Variants in PLCG2 observed in about 807,000 individuals in gnomAD.
PLCG2 encodes 1-phosphatidylinositol 4,5-bisphosphate phosphodiesterase gamma-2.
PLCG2 carries 69 observed loss-of-function variants against 175.6 expected under a neutral mutation model. That is an observed-to-expected ratio of 0.39 (90% confidence interval 0.32 to 0.48). The LOEUF (loss-of-function observed/expected upper bound fraction) is 0.48, where lower values mean the gene tolerates loss of function less well. PLCG2 is among the 20% of genes least tolerant of loss of function. PLCG2 has a pLI of 0.91. For missense variants in PLCG2, 1,798 were observed against 1,650.9 expected (o/e 1.09, Z -1.54); for synonymous variants, 827 against 624.0 (o/e 1.33, Z -4.85).
intron 30 of PLCG2, among the ~76,000 whole-genome samples, chr16:81,941,838 T>G (rs556207724): frequency 2.2e-3 from 336 of 152,156 alleles, no homozygotes; most frequent in Non-Finnish European, 4.0e-3. Context: ...ATCTGGCTAA[T>G]TTTTGTATTT....
At chr16:81,885,561 A>G (rs1411381903) in intron 9 of PLCG2, among the ~76,000 whole-genome samples, 1 of 152,208 alleles carries the variant, frequency 6.6e-6, no homozygotes, top group African/African-American at 2.4e-5. Context: ...ATTCTAAAGC[A>G]AACCCCAGAC....
intron 2 of PLCG2, among the ~76,000 whole-genome samples, chr16:81,788,311 C>T (rs957141764): frequency 2.1e-4 from 32 of 152,156 alleles, no homozygotes; most frequent in Middle Eastern, 3.2e-3. Flanking sequence ...GACAGAGTCT[C>T]GCTCTGTTGC....
intron 7 of PLCG2, among the ~76,000 whole-genome samples, chr16:81,878,013 G>A (rs531303114): frequency 1.8e-5 from 2 of 108,180 alleles, no homozygotes; most frequent in East Asian, 3.0e-4. Context: ...AGGGAGTCTC[G>A]CTCTGTCACC....
intron 2 of PLCG2, among the ~76,000 whole-genome samples, chr16:81,842,083 C>A (rs769915690): frequency 2.0e-5 from 3 of 152,184 alleles, no homozygotes; most frequent in Non-Finnish European, 2.9e-5. Flanking sequence ...GCTTGTACAG[C>A]GGAGGAAACA....
At chr16:81,899,031 T>C (rs2143625072) in intron 13 of PLCG2, among the ~76,000 whole-genome samples, 1 of 151,834 alleles carries the variant, frequency 6.6e-6, no homozygotes, top group Middle Eastern at 3.4e-3. Context: ...TTAGTAAAAA[T>C]ACAAAAAATT....
Position 81,962,167 on chromosome 16 carries a change from T to C in PLCG2, c.*4169T>C, listed in dbSNP as rs1276687242. ...GGAACCTCCAAACAAGCTCTCAAGA[T>C]TGCTGATCTAGGGCCACTAAGTGAT... On this transcript the variant is annotated 3_prime_UTR_variant, in exon 33 of 33. Transcript: ENST00000564138. 2 of 186,618 alleles carry C rather than the reference T, an allele frequency of 1.1e-5. No homozygotes were observed. Among genetic ancestry groups the C allele is most frequent in the East Asian group, 1.7e-4 (2 of 11,464 alleles). The allele number at this position is 186,618 out of a possible 1,614,324, so 11.6% of individuals were successfully genotyped here. A position where few individuals can be genotyped will look rare whatever the true frequency, so the allele number is the denominator to read the frequency against.
At chr16:81,897,315 C>T (rs566320415) in intron 13 of PLCG2, among the ~76,000 whole-genome samples, 4 of 152,298 alleles carry the variant, frequency 2.6e-5, no homozygotes, top group East Asian at 1.9e-4. Context: ...GAGTCCTTCT[C>T]GCTGAGTTTG....
Position 81,868,077 on chromosome 16 carries a change from T to C in PLCG2, c.480-1137T>C. On this transcript the variant is annotated intron_variant, in intron 5 of 32. Coordinates refer to ENST00000564138, the MANE Select transcript of PLCG2 (RefSeq NM_002661.5). ...CATGCAGATTCCTGTGACCGAGCAC[T>C]GGAATTTGATTCAAATCCAGGCTCT... 1.3e-5 allele frequency among the ~76,000 whole-genome samples: 2 copies of C among 152,236 alleles called. 1 individual carries two copies.
intron 2 of PLCG2, among the ~76,000 whole-genome samples, chr16:81,835,881 C>T (rs1597345674): frequency 6.6e-6 from 1 of 152,146 alleles, no homozygotes; most frequent in Admixed American, 6.5e-5. Context: ...TTGGCACTCC[C>T]ATCTCTCCCT....
intron 7 of PLCG2, among the ~76,000 whole-genome samples, chr16:81,875,917 A>G (rs547788549): frequency 3.2e-4 from 48 of 152,164 alleles, no homozygotes; most frequent in African/African-American, 9.6e-4. Flanking sequence ...GGAGGAGCTC[A>G]GAGATCTTGC....
intron 2 of PLCG2, among the ~76,000 whole-genome samples, chr16:81,761,354 G>A (rs1910037688): frequency 1.3e-5 from 2 of 152,196 alleles, no homozygotes; most frequent in Admixed American, 1.3e-4. Flanking sequence ...AACAGGGCCA[G>A]ACCTTGTCTT....
intron 2 of PLCG2, among the ~76,000 whole-genome samples, chr16:81,845,314 C>G (rs1339643040): frequency 6.6e-6 from 1 of 152,168 alleles, no homozygotes; most frequent in Non-Finnish European, 1.5e-5. Context: ...GCTTCTACAT[C>G]TTTGTTTTTT....
rs903606510 is a variant in PLCG2, at chr16:81,790,241, A to G, written c.193+4059A>G. The stretch of plus-strand genomic sequence containing the variant: ...CTGTTGTTGCTAACTAGTGGAGTCC[A>G]GCCTATGTAGTCTTCCTTAGGGGTT... On this transcript the variant is annotated intron_variant, in intron 2 of 32. Coordinates refer to ENST00000564138, the MANE Select transcript of PLCG2 (RefSeq NM_002661.5). Among the ~76,000 whole-genome samples the G allele has an allele frequency of 4.6e-5, 7 of 152,304 alleles. No homozygotes were observed. In the East Asian group the frequency reaches 1.2e-3, roughly 25 times the overall value.
intron 2 of PLCG2, among the ~76,000 whole-genome samples, chr16:81,821,470 C>T (rs1053397901): frequency 2.6e-5 from 4 of 152,026 alleles, no homozygotes; most frequent in Admixed American, 6.5e-5. Flanking sequence ...CTCGAGGGCT[C>T]GAATGCTGTG....
chr16:81,939,819 A>C (rs1029285455), intron 29 of PLCG2, 73 bp from the exon 30 acceptor site: 13 of 962,912 alleles, frequency 1.4e-5, no homozygotes, highest in Non-Finnish European at 1.8e-5. Context: ...TCACAGCTGA[A>C]GGATGCGGAG....
intron 2 of PLCG2, among the ~76,000 whole-genome samples, chr16:81,832,015 T>C: frequency 6.6e-6 from 1 of 152,246 alleles, no homozygotes; most frequent in African/African-American, 2.4e-5. Context: ...GAGCCAGTCA[T>C]GCCCCACCAT....
chr16:81,768,039 G>A (rs866254614), intron 2 of PLCG2, among the ~76,000 whole-genome samples: 4 of 151,986 alleles, frequency 2.6e-5, no homozygotes, highest in African/African-American at 7.3e-5. Flanking sequence ...ACAGGCACCC[G>A]CCACCATGCC....
intron 2 of PLCG2, among the ~76,000 whole-genome samples, chr16:81,853,292 C>G (rs1252156521): frequency 6.6e-6 from 1 of 151,490 alleles, no homozygotes; most frequent in Non-Finnish European, 1.5e-5. Flanking sequence ...GATCATGCCA[C>G]TGCACTCCAG....
chr16:81,858,436 G>T, intron 4 of PLCG2, 80 bp downstream of exon 4: 1 of 976,028 alleles, frequency 1.0e-6, no homozygotes, highest in Non-Finnish European at 1.6e-6. Context: ...GGCTACAGGG[G>T]GGAAAAAAAA....
Sources: gnomAD v4.1 joint callset for allele counts (sites outside exome capture counted in the v4.1 genomes callset) on GRCh38, gnomAD v4.1.1 for gene constraint, MANE v1.5 for transcripts, NCBI Gene and HGNC (gene_info 2026-07-23, HGNC 2026-07-21) for gene names.